Variants in CCDC149 observed in about 807,000 individuals in gnomAD.
CCDC149 encodes the protein coiled-coil domain-containing protein 149.
Under a neutral mutation model 59.9 loss-of-function variants are expected in CCDC149, and 45 were observed. The observed-to-expected ratio is 0.75, with a 90% CI of 0.59 to 0.96. CCDC149 has a LOEUF of 0.96. Ranked by LOEUF, CCDC149 falls within the 40% of genes least tolerant of loss-of-function variation. The probability of loss-of-function intolerance (pLI) is 0.00; values close to 1 mark genes in which losing one functional copy is unlikely to be tolerated. For synonymous variants in CCDC149, 245 were observed against 260.6 expected, an observed-to-expected ratio of 0.94 and a Z score of 0.58; for missense variants, 584 against 664.7, an observed-to-expected ratio of 0.88 and a Z score of 1.33.
At chr4:24,885,529 G>T (rs868085953) in intron 1 of CCDC149, among the ~76,000 whole-genome samples, 1 of 152,194 alleles carries the variant, frequency 6.6e-6, no homozygotes, top group Non-Finnish European at 1.5e-5. Context: ...AGACTCATGC[G>T]TGGTTTCAGC....
intron 4 of CCDC149, among the ~76,000 whole-genome samples, chr4:24,851,975 A>G (rs1453344964): frequency 1.3e-5 from 2 of 151,818 alleles, no homozygotes; most frequent in Non-Finnish European, 2.9e-5. Flanking sequence ...TAAATCCAAG[A>G]GGTTAAAAAA....
intron 9 of CCDC149, chr4:24,827,154 A>C (rs1429354613): frequency 2.0e-5 from 3 of 152,210 alleles, no homozygotes; most frequent in Admixed American, 6.5e-5. Context: ...GTGAAGACAG[A>C]ACTCACACAG....
At chr4:24,917,931 T>A (rs1218194394), upstream of CCDC149, among the ~76,000 whole-genome samples, 4 of 151,350 alleles carry the variant, frequency 2.6e-5, no homozygotes, top group Non-Finnish European at 4.4e-5. Context: ...CTTGGCGAGG[T>A]GGAGGTTACT....
At chr4:24,959,596 C>A (rs1231116882) in intron 1 of CCDC149, among the ~76,000 whole-genome samples, 1 of 152,162 alleles carries the variant, frequency 6.6e-6, no homozygotes, top group East Asian at 1.9e-4. Context: ...CATACCAAGG[C>A]ATAGCATAAT....
intron 1 of CCDC149, among the ~76,000 whole-genome samples, chr4:24,938,679 T>C (rs899907199): frequency 2.0e-5 from 3 of 151,672 alleles, no homozygotes; most frequent in South Asian, 4.2e-4. Flanking sequence ...ACCTGGAAAA[T>C]TGGGTCACTC....
intron 1 of CCDC149, among the ~76,000 whole-genome samples, chr4:24,938,392 G>C (rs1216366503): frequency 6.6e-6 from 1 of 152,158 alleles, no homozygotes; most frequent in Non-Finnish European, 1.5e-5. Flanking sequence ...ATCATCATTT[G>C]ACTCCAATAA....
At position 24,886,790 on chromosome 4, in the gene CCDC149, C is replaced by T. The variant is rs372172834; in HGVS notation, c.64-10093G>A. Among the ~76,000 whole-genome samples, 22 of 152,206 alleles carry T rather than the reference C, an allele frequency of 1.4e-4. No homozygotes were observed. In the East Asian group the frequency reaches 2.7e-3, roughly 19 times the overall value. ...CCAGGAACACTCAGGGCGAGGCTCA[C>T]GTGGCTGCCCTTGGTACACACCTAC... On this transcript the variant is annotated intron_variant, in intron 1 of 12. Coordinates refer to ENST00000635206, the MANE Select transcript of CCDC149 (RefSeq NM_001330643.2).
chr4:24,822,608 G>A, intron 9 of CCDC149, 35 bp from the exon 10 acceptor site: 3 of 1,463,868 alleles, frequency 2.0e-6, no homozygotes, highest in Non-Finnish European at 1.8e-6. Flanking sequence ...ATCAATTACT[G>A]AGCATCCTGT....
chr4:24,923,629 A>C (rs1033729461), intron 1 of CCDC149, among the ~76,000 whole-genome samples: 6 of 152,212 alleles, frequency 3.9e-5, no homozygotes, highest in Non-Finnish European at 8.8e-5. Flanking sequence ...GTGAAAACAA[A>C]AGAACTTGAA....
At position 24,831,601 on chromosome 4, in the gene CCDC149, C is replaced by T. The variant is rs555284224; in HGVS notation, c.870G>A (p.Pro290=). The T allele has an allele frequency of 3.9e-5, 63 of 1,613,920 alleles. No homozygotes were observed. The highest frequency in any genetic ancestry group is 2.0e-4 in the African/African-American group (15 of 74,996). Residue 290 remains proline (P), a synonymous_variant, in exon 9 of 13, where the codon CCG becomes CCA. Coordinates refer to ENST00000635206, the MANE Select transcript of CCDC149 (RefSeq NM_001330643.2). ...GAGATTTCAGGTCAGAAATGGACTG[C>T]GGAGTAGCTGGGAGGCTGCATCCAT...
rs1299827754 is a variant in CCDC149 at position 24,819,975 on chromosome 4, C to G, written c.1076G>C (p.Arg359Thr). Reference sequence around the variant, plus strand: ...GCTGAACAGTATGGTGTCCTTGCCCCCTGTTGCAGAAAAGAGGAAAATGGA... The same window carrying G: ...GCTGAACAGTATGGTGTCCTTGCCCGCTGTTGCAGAAAAGAGGAAAATGGA... The change falls in exon 12 of 13, where the codon AGG becomes ACG. Residue 359 changes from arginine to threonine, a missense_variant and splice_region_variant. By Grantham distance (71) the Arg-to-Thr change is moderately conservative. Transcript: ENST00000635206. 6.5e-7 allele frequency: 1 copy of G among 1,545,738 alleles called. No individual in the cohort carries two copies. The highest frequency in any genetic ancestry group is 8.7e-7 in the Non-Finnish European group (1 of 1,143,588).
intron 1 of CCDC149, among the ~76,000 whole-genome samples, chr4:24,932,442 A>G (rs1722623142): frequency 6.6e-6 from 1 of 152,186 alleles, no homozygotes; most frequent in Non-Finnish European, 1.5e-5. Context: ...AAGACAGAAG[A>G]CAGGAGAAGT....
intron 1 of CCDC149, among the ~76,000 whole-genome samples, chr4:24,904,119 A>T (rs1721336962): frequency 6.6e-6 from 1 of 152,136 alleles, no homozygotes; most frequent in South Asian, 2.1e-4. Flanking sequence ...ACTTTTCAAA[A>T]ATTTCATGTA....
In CCDC149 at chr4:24,853,281, AC is replaced by A. The variant is rs1717783449; in HGVS notation, c.265-103del. On this transcript the variant is annotated intron_variant, in intron 3 of 12. Coordinates refer to ENST00000635206, the MANE Select transcript of CCDC149 (RefSeq NM_001330643.2). ...GATGCTGGTGTCTAACCCCAGTTGAACCACACAAAGCCCGTTATAGTAAACA... is the reference window on the plus strand; with the variant it reads ...GATGCTGGTGTCTAACCCCAGTTGAACACACAAAGCCCGTTATAGTAAACA... The A allele has an allele frequency of 2.4e-6, 2 of 846,302 alleles. 1 individual carries two copies. Among genetic ancestry groups the A allele is most frequent in the South Asian group, 2.7e-5 (2 of 73,024 alleles). The allele number at this position is 846,302 out of a possible 1,614,324, so 52.4% of individuals were successfully genotyped here.
chr4:24,887,387 G>A (rs1720248076), intron 1 of CCDC149, among the ~76,000 whole-genome samples: 1 of 151,956 alleles, frequency 6.6e-6, no homozygotes, highest in Admixed American at 6.6e-5. Context: ...CCACCGCAAG[G>A]GCATGCCTGC....
intron 1 of CCDC149, among the ~76,000 whole-genome samples, chr4:24,878,879 A>G (rs1479658065): frequency 9.2e-5 from 14 of 152,184 alleles, no homozygotes; most frequent in Admixed American, 9.2e-4. Context: ...TTAGGGTCCA[A>G]GAGAAAAGCC....
downstream of CCDC149, among the ~76,000 whole-genome samples, chr4:24,803,693 A>G (rs1013547527): frequency 6.6e-6 from 1 of 152,258 alleles, no homozygotes; most frequent in Admixed American, 6.5e-5. The surrounding 1 kb of genome is among the most constrained non-coding windows in gnomAD (Gnocchi z 4.3). Flanking sequence ...TTTAGATTTA[A>G]TAGGCTACCA....
chr4:24,905,411 G>A (rs576558121), intron 1 of CCDC149, among the ~76,000 whole-genome samples: 44 of 46,810 alleles, frequency 9.4e-4, no homozygotes, highest in African/African-American at 2.8e-3. Context: ...TTTTGCGTGC[G>A]TGCGTGTGTG....
Position 24,912,958 on chromosome 4 carries a change from C to T in CCDC149, c.-79G>A, listed in dbSNP as rs1022477257. Reference sequence around the variant, plus strand: ...TCGCCGCCGCCGCCCGGGCCCCGCGCGGCCCCGAGAGGGCCCGGCGCCTCC... The same window carrying T: ...TCGCCGCCGCCGCCCGGGCCCCGCGTGGCCCCGAGAGGGCCCGGCGCCTCC... On this transcript the variant is annotated 5_prime_UTR_variant, in exon 1 of 13. Transcript: ENST00000635206. 4.8e-6 allele frequency: 4 copies of T among 826,634 alleles called. No individual in the cohort carries two copies. In the African/African-American group the frequency reaches 7.5e-5, roughly 15 times the overall value. 51.2% of individuals were successfully genotyped at this position (826,634 alleles called of 1,614,324 possible).
Sources: allele counts gnomAD v4.1 joint callset (sites outside exome capture counted in the v4.1 genomes callset), GRCh38; gene constraint gnomAD v4.1.1; non-coding constraint Gnocchi (gnomAD v3.1); transcripts MANE v1.5; gene names NCBI Gene and HGNC (gene_info 2026-07-23, HGNC 2026-07-21).